Variants in NOC4L observed in about 807,000 individuals in gnomAD.
NOC4L encodes the protein nucleolar complex associated 4 homolog.
In NOC4L, 40 loss-of-function variants were observed where a neutral mutation model predicts 62.8. The ratio of observed to expected loss-of-function variants is 0.64; its 90% CI spans 0.49 to 0.83. The LOEUF (loss-of-function observed/expected upper bound fraction) is 0.83. NOC4L is among the 40% of genes least tolerant of loss of function. NOC4L has a pLI of 0.00. For missense variants in NOC4L, 927 were observed against 701.9 expected (o/e 1.32, Z -3.62); for synonymous variants, 433 against 299.8 (o/e 1.44, Z -4.59).
chr12:132,147,438 C>T, intron 4 of NOC4L, 50 bp downstream of exon 4: 1 of 1,508,248 alleles, frequency 6.6e-7, no homozygotes, highest in Non-Finnish European at 9.0e-7. Flanking sequence ...CTGGCCAGAT[C>T]CCAGGATGGC....
intron 10 of NOC4L, 56 bp from the exon 11 acceptor site, chr12:132,151,202 G>A: frequency 6.7e-7 from 1 of 1,497,092 alleles, no homozygotes; most frequent in Admixed American, 1.7e-5. Context: ...CCTGGCCTTG[G>A]AGGCCTCAGT....
At chr12:132,144,667 C>A (rs1338995623) in intron 1 of NOC4L, 62 bp downstream of exon 1, 7 of 1,454,104 alleles carry the variant, frequency 4.8e-6, no homozygotes, top group Non-Finnish European at 6.3e-6. Context: ...GAATGGGGGG[C>A]TGCGGCGGCA....
intron 3 of NOC4L, 130 bp from the exon 4 acceptor site, chr12:132,147,151 G>T: frequency 1.7e-6 from 1 of 597,694 alleles, no homozygotes; most frequent in Non-Finnish European, 2.8e-6. Context: ...GGCGTGTGGA[G>T]CAAGAGAAGG....
In NOC4L at chr12:132,147,264, C is replaced by T; in HGVS notation, c.346-17C>T. 1 of 1,504,472 alleles carries T rather than the reference C, an allele frequency of 6.6e-7. No homozygotes were observed. Among genetic ancestry groups the T allele is most frequent in the Non-Finnish European group, 8.9e-7 (1 of 1,123,402 alleles). 93.2% of individuals were successfully genotyped at this position (1,504,472 alleles called of 1,614,324 possible). A position where few individuals can be genotyped will look rare whatever the true frequency, so the allele number is the denominator to read the frequency against. ...GGGTGAGGGCATCACAGCCACCCTG[C>T]ACTGCCCCCTTCCCAGGAGCTGGCC... On this transcript the variant is annotated splice_polypyrimidine_tract_variant and intron_variant, in intron 3 of 14. Transcript: ENST00000330579.
rs771780811 is a variant in NOC4L, at chr12:132,147,625, G to T, written c.454-8G>T. 7 of 1,612,348 alleles carry T rather than the reference G, an allele frequency of 4.3e-6. No homozygotes were observed. Among genetic ancestry groups the T allele is most frequent in the African/African-American group, 1.3e-5 (1 of 74,908 alleles). ...CGGGCAGGGCTGCTCACTGGTCCTT[G>T]CCCCTAGTTGGTGGTGGGAGGCCTG... On this transcript the variant is annotated splice_region_variant and splice_polypyrimidine_tract_variant and intron_variant, in intron 4 of 14. Transcript: ENST00000330579.
At chr12:132,146,339 A>G (rs1244004824) in intron 3 of NOC4L, 2 of 455,926 alleles carry the variant, frequency 4.4e-6, no homozygotes, top group Non-Finnish European at 8.8e-6. Context: ...CGCGTCGTAT[A>G]GCACAGCACG....
At position 132,151,357 on chromosome 12, in the gene NOC4L, C is replaced by T. The variant is rs376665964; in HGVS notation, c.1062C>T (p.Phe354=). The T allele has an allele frequency of 2.6e-5, 42 of 1,609,900 alleles. No homozygotes were observed. In the South Asian group the frequency reaches 4.2e-4, roughly 16 times the overall value. ...RARFFHLADL[F]LSSSHLPAYL... is the part of the protein sequence containing the mutation. ...GCTTCTTCCACCTGGCTGACCTCTT[C>T]CTGTCCTCCTCGTGAGTACCAGGGC... is the stretch of plus-strand genomic sequence containing the variant. Residue 354 remains phenylalanine, a synonymous_variant, in exon 11 of 15, where the codon TTC becomes TTT. Transcript: ENST00000330579.
chr12:132,151,253 C>A lies in NOC4L; in HGVS notation c.963-5C>A, dbSNP rs368424822. ...CATCCGCTGCTCCTTCCCCCCGGCCCGCAGGGAGTACCCTGACTTCTACCG... is the reference window on the plus strand; with the variant it reads ...CATCCGCTGCTCCTTCCCCCCGGCCAGCAGGGAGTACCCTGACTTCTACCG... On this transcript the variant is annotated splice_polypyrimidine_tract_variant and splice_region_variant and intron_variant, in intron 10 of 14. Transcript: ENST00000330579. The A allele has an allele frequency of 6.2e-7, 1 of 1,609,378 alleles. No homozygotes were observed. The highest frequency in any genetic ancestry group is 8.5e-7 in the Non-Finnish European group (1 of 1,178,108).
In NOC4L at chr12:132,151,550, C is replaced by T. The variant is rs752431547; in HGVS notation, c.1140C>T (p.Pro380=). The T allele has an allele frequency of 1.9e-5, 30 of 1,609,312 alleles. No homozygotes were observed. Among genetic ancestry groups the T allele is most frequent in the Non-Finnish European group, 2.3e-5 (27 of 1,179,132 alleles). Residue 380 remains proline, a synonymous_variant, in exon 12 of 15, where the codon CCC becomes CCT. Coordinates refer to ENST00000330579, the MANE Select transcript of NOC4L (RefSeq NM_024078.3). ...KRLARLALTA[P]PEALLMVLPF... ...TGGCCCGCCTGGCCCTGACGGCTCC[C>T]CCTGAGGCCCTGCTCATGGTCCTGC...
rs147227024 is a variant in NOC4L at position 132,151,493 on chromosome 12, C to T, written c.1083C>T (p.Pro361=). Residue 361 remains proline (P), a synonymous_variant, in exon 12 of 15, where the codon CCC becomes CCT. Coordinates refer to ENST00000330579, the MANE Select transcript of NOC4L (RefSeq NM_024078.3). ...CCACTGCCCTGCCCAGCCACCTCCCCGCCTACCTGGTGGCCGCCTTCGCCA... is the reference window on the plus strand; with the variant it reads ...CCACTGCCCTGCCCAGCCACCTCCCTGCCTACCTGGTGGCCGCCTTCGCCA... ...ADLFLSSSHL[P]AYLVAAFAKR... is the part of the protein sequence containing the mutation. 411 of 1,602,842 alleles carry T rather than the reference C, an allele frequency of 2.6e-4. No individual in the cohort carries two copies. Among genetic ancestry groups the T allele is most frequent in the East Asian group, 4.2e-4 (19 of 44,830 alleles).
At chr12:132,145,005 T>G in intron 2 of NOC4L, 31 bp downstream of exon 2, 1 of 1,565,400 alleles carries the variant, frequency 6.4e-7, no homozygotes, top group Non-Finnish European at 8.7e-7. Context: ...GGGCTGCTCT[T>G]CTCTTTCCGT....
rs1009299444 is a variant in NOC4L, at chr12:132,151,377, C to T, written c.1073+9C>T. 2 of 1,607,710 alleles carry T rather than the reference C, an allele frequency of 1.2e-6. No homozygotes were observed. Among genetic ancestry groups the T allele is most frequent in the Non-Finnish European group, 8.5e-7 (1 of 1,179,670 alleles). ...CTCTTCCTGTCCTCCTCGTGAGTAC[C>T]AGGGCACCTGGCTCTGCCCTGCTCT... On this transcript the variant is annotated intron_variant, in intron 11 of 14. Coordinates refer to ENST00000330579, the MANE Select transcript of NOC4L (RefSeq NM_024078.3).
At chr12:132,149,083 C>T (rs1278993494) in intron 9 of NOC4L, among the ~76,000 whole-genome samples, 188 bp downstream of exon 9, 1 of 19,396 alleles carries the variant, frequency 5.2e-5, no homozygotes, top group African/African-American at 1.2e-4. Flanking sequence ...TGAGTGCCGC[C>T]GCCTCACTCC....
chr12:132,146,118 C>T (rs148183051), intron 3 of NOC4L: 4 of 399,288 alleles, frequency 1.0e-5, no homozygotes, highest in East Asian at 7.3e-5. Flanking sequence ...TTTATCGCCC[C>T]GAAAAGAAAT....
intron 2 of NOC4L, among the ~76,000 whole-genome samples, chr12:132,145,299 G>T (rs760190365): frequency 7.9e-5 from 12 of 152,242 alleles, no homozygotes; most frequent in Non-Finnish European, 1.6e-4. Context: ...GTCAGGTCTT[G>T]GAGTAAAGAG....
In NOC4L at chr12:132,144,540, C is replaced by A. The variant is rs760360991; in HGVS notation, c.52C>A (p.Leu18Met). ...AGVRRALGRR[L>M]EAVLASRSEA... ...AGTTCGCCGGGCTCTGGGCCGCCGG[C>A]TGGAGGCGGTGCTGGCGAGCCGCAG... Residue 18 changes from leucine to methionine, a missense_variant, in exon 1 of 15, where the codon CTG becomes ATG. Leu to Met is a conservative substitution (Grantham distance 15). Transcript: ENST00000330579. 1 of 1,518,294 alleles carries A rather than the reference C, an allele frequency of 6.6e-7. No individual in the cohort carries two copies. Among genetic ancestry groups the A allele is most frequent in the Non-Finnish European group, 8.8e-7 (1 of 1,141,562 alleles). The allele number at this position is 1,518,294 out of a possible 1,614,324, so 94.1% of individuals were successfully genotyped here. A position where few individuals can be genotyped will look rare whatever the true frequency, so the allele number is the denominator to read the frequency against.
At position 132,144,982 on chromosome 12, in the gene NOC4L, C is replaced by CT. The variant is rs1350883526; in HGVS notation, c.238+9dup. The CT allele has an allele frequency of 2.5e-6, 4 of 1,592,112 alleles. No individual in the cohort carries two copies. The East Asian group carries it at 9.1e-5, about 36-fold the overall frequency. ...AGGAGATGGTCATGACAGGTGAGCC[C>CT]TGGAGGGCCCCGGGGCTGCTCTTCT... On this transcript the variant is annotated intron_variant, in intron 2 of 14. Transcript: ENST00000330579.
At position 132,148,807 on chromosome 12, in the gene NOC4L, G is replaced by A. The variant is rs368103497; in HGVS notation, c.813G>A (p.Lys271=). The A allele has an allele frequency of 1.9e-6, 3 of 1,593,410 alleles. No homozygotes were observed. Among genetic ancestry groups the A allele is most frequent in the African/African-American group, 2.8e-5 (2 of 72,174 alleles). ...KHKLPLSLYK[K]VLLIVHDAIL... ...AGCTGCCCCTCAGCCTCTACAAGAAGGTGCTGCTGATTGTGCATGACGCCA... is the reference window on the plus strand; with the variant it reads ...AGCTGCCCCTCAGCCTCTACAAGAAAGTGCTGCTGATTGTGCATGACGCCA... Residue 271 remains lysine (K), a synonymous_variant, in exon 9 of 15, where the codon AAG becomes AAA. Coordinates refer to ENST00000330579, the MANE Select transcript of NOC4L (RefSeq NM_024078.3).
chr12:132,144,994 G>A lies in NOC4L; in HGVS notation c.238+20G>A. On this transcript the variant is annotated intron_variant, in intron 2 of 14. Coordinates refer to ENST00000330579, the MANE Select transcript of NOC4L (RefSeq NM_024078.3). ...TGACAGGTGAGCCCTGGAGGGCCCCGGGGCTGCTCTTCTCTTTCCGTGGGT... is the reference window on the plus strand; with the variant it reads ...TGACAGGTGAGCCCTGGAGGGCCCCAGGGCTGCTCTTCTCTTTCCGTGGGT... 1 of 1,579,316 alleles carries A rather than the reference G, an allele frequency of 6.3e-7. No homozygotes were observed. Among genetic ancestry groups the A allele is most frequent in the Non-Finnish European group, 8.6e-7 (1 of 1,161,964 alleles).
Sources: allele counts gnomAD v4.1 joint callset (sites outside exome capture counted in the v4.1 genomes callset), GRCh38; gene constraint gnomAD v4.1.1; transcripts MANE v1.5; gene names NCBI Gene and HGNC (gene_info 2026-07-23, HGNC 2026-07-21).